The following SIRT3 variants were observed in gnomAD, a reference collection of about 807,000 sequenced individuals.
The protein encoded by SIRT3 is sirtuin 3.
Under a neutral mutation model 33.5 loss-of-function variants are expected in SIRT3, and 26 were observed. The observed-to-expected ratio is 0.78, with a 90% CI of 0.57 to 1.08. The LOEUF (loss-of-function observed/expected upper bound fraction) is 1.08. Among genes scored for constraint, SIRT3 ranks in the 50% least tolerant of loss-of-function variants. SIRT3 has a pLI of 0.00. For missense variants in SIRT3, 585 were observed against 530.1 expected (o/e 1.10, Z -1.02); for synonymous variants, 237 against 222.1 (o/e 1.07, Z -0.60).
At chr11:231,124 C>CAA (rs33939565) in intron 3 of SIRT3, among the ~76,000 whole-genome samples, 20,970 of 138,342 alleles carry the variant, frequency 0.15, 1,699 homozygotes, top group South Asian at 0.33. Flanking sequence ...GATTCTGTCT[C>CAA]AAAAAAAAAA....
chr11:219,076 C>G, intron 5 of SIRT3, 35 bp from the exon 6 acceptor site: 1 of 1,576,890 alleles, frequency 6.3e-7, no homozygotes, highest in African/African-American at 1.4e-5. Flanking sequence ...GGCACAGTGT[C>G]CACTTTACAA....
intron 6 of SIRT3, among the ~76,000 whole-genome samples, chr11:217,463 T>C (rs2133782669): frequency 6.6e-6 from 1 of 152,002 alleles, no homozygotes; most frequent in East Asian, 1.9e-4. Context: ...AAAAAGAAAA[T>C]ATGAAGTTGG....
At chr11:231,488 G>A (rs1858003301) in intron 3 of SIRT3, among the ~76,000 whole-genome samples, 3 of 152,140 alleles carry the variant, frequency 2.0e-5, no homozygotes, top group African/African-American at 7.2e-5. Flanking sequence ...CAGATACCAA[G>A]TTAAAATGAG....
At chr11:231,186 C>A (rs1237745300) in intron 3 of SIRT3, among the ~76,000 whole-genome samples, 1 of 151,892 alleles carries the variant, frequency 6.6e-6, no homozygotes, top group Non-Finnish European at 1.5e-5. Context: ...TGCCTGTAAT[C>A]CCAGTGCTTT....
At chr11:236,462 C>T, upstream of SIRT3, 1 of 513,246 alleles carries the variant, frequency 1.9e-6, no homozygotes, top group Non-Finnish European at 2.5e-6. Flanking sequence ...CGCCCCGGTC[C>T]CGCCTCCGCG....
chr11:236,927 G>A (rs1247691173), upstream of SIRT3: 5 of 811,200 alleles, frequency 6.2e-6, no homozygotes, highest in Admixed American at 2.4e-5. Context: ...CCCCCGGCCT[G>A]CTACGGCGCT....
At position 218,990 on chromosome 11, in the gene SIRT3, G is replaced by T. The variant is rs374879005; in HGVS notation, c.1021C>A (p.Leu341Met). The T allele has an allele frequency of 1.9e-6, 3 of 1,614,066 alleles. No homozygotes were observed. The highest frequency in any genetic ancestry group is 2.7e-5 in the African/African-American group (2 of 74,924). ...CCCACCAAGTCCCGGTTGATGAGCAGTCGGGGAACTGAGCTCCGCACGGCC... is the reference window on the plus strand; with the variant it reads ...CCCACCAAGTCCCGGTTGATGAGCATTCGGGGAACTGAGCTCCGCACGGCC... Reference protein sequence around the residue: ...TEAVRSSVPRLLINRDLVGPL... With the variant: ...TEAVRSSVPRMLINRDLVGPL... Residue 341 changes from leucine (L) to methionine (M), a missense_variant, in exon 6 of 7, where the codon CTG (leucine) becomes ATG (methionine). Physicochemically the swap from Leu to Met is conservative, Grantham distance 15. Coordinates refer to ENST00000382743, the MANE Select transcript of SIRT3 (RefSeq NM_012239.6).
chr11:236,539 G>A (rs1859194916), upstream of SIRT3: 1 of 165,610 alleles, frequency 6.0e-6, no homozygotes, highest in Non-Finnish European at 1.3e-5. Flanking sequence ...AGTAGAGGAA[G>A]TTCCCTAGTC....
upstream of SIRT3, chr11:236,874 G>C (rs867373874): frequency 3.2e-6 from 2 of 621,978 alleles, no homozygotes; most frequent in East Asian, 5.7e-5. Context: ...AGTTTTGTCC[G>C]GAGCGCAGAG....
chr11:233,562 G>A (rs1858418707), intron 1 of SIRT3, 28 bp from the exon 2 acceptor site: 1 of 1,609,720 alleles, frequency 6.2e-7, no homozygotes, highest in South Asian at 1.1e-5. Flanking sequence ...AGCAGCAAAG[G>A]AAACAGATAG....
intron 6 of SIRT3, 131 bp downstream of exon 6, chr11:218,701 G>A: frequency 2.0e-6 from 3 of 1,486,918 alleles, no homozygotes; most frequent in Admixed American, 4.1e-5. Context: ...GGTAGTGCCT[G>A]GTGCAGGATT....
In SIRT3 at chr11:236,170, G is replaced by A; in HGVS notation, c.159C>T (p.Ser53=). ...RDDVSAGLRG[S]HGARGEPLDP... is the part of the protein sequence containing the mutation. The stretch of plus-strand genomic sequence containing the variant: ...CCAAGGGCTCACCGCGGGCCCCATG[G>A]CTGCCTCTCAGCCCCGCACTCACAT... Residue 53 remains serine, a synonymous_variant, in exon 1 of 7, where the codon AGC becomes AGT. Transcript: ENST00000382743. The A allele has an allele frequency of 6.4e-7, 1 of 1,565,402 alleles. No homozygotes were observed.
chr11:229,713 C>G (rs950984022), intron 4 of SIRT3, among the ~76,000 whole-genome samples: 1 of 149,878 alleles, frequency 6.7e-6, no homozygotes, highest in Non-Finnish European at 1.5e-5. Context: ...GAGCCGAAAT[C>G]GCGCCATTGC....
intron 3 of SIRT3, among the ~76,000 whole-genome samples, chr11:231,347 G>A (rs1319847499): frequency 6.6e-6 from 1 of 152,058 alleles, no homozygotes; most frequent in Admixed American, 6.6e-5. Context: ...GAGGCAAAAG[G>A]ATCACTTCGG....
chr11:235,365 CCGG>C (rs751898062), intron 1 of SIRT3, among the ~76,000 whole-genome samples: 2 of 152,028 alleles, frequency 1.3e-5, no homozygotes, highest in Non-Finnish European at 2.9e-5. Flanking sequence ...GCCACCATGC[CCGG>C]CTAATTTTTA....
chr11:221,021 T>A (rs1384492499), intron 5 of SIRT3, among the ~76,000 whole-genome samples: 1 of 140,470 alleles, frequency 7.1e-6, no homozygotes, highest in African/African-American at 2.8e-5. Context: ...CATTTACCCT[T>A]CCAGAGTACT....
chr11:233,003 T>A lies in SIRT3; in HGVS notation c.686A>T (p.Asn229Ile). The A allele has an allele frequency of 6.2e-7, 1 of 1,614,150 alleles. No individual in the cohort carries two copies. Among genetic ancestry groups the A allele is most frequent in the East Asian group, 2.2e-5 (1 of 44,890 alleles). ...CTCACCTCTCTCAAGCCCATCGATG[T>A]TCTGCGTGTAGAGCCGCAGAAGCAG... Reference protein sequence around the residue: ...KGLLLRLYTQNIDGLERVSGI... With the variant: ...KGLLLRLYTQIIDGLERVSGI... Residue 229 changes from asparagine (N) to isoleucine (I), a missense_variant, in exon 3 of 7, where the codon AAC becomes ATC. Transcript: ENST00000382743.
Position 233,073 on chromosome 11 carries a change from G to A in SIRT3, c.616C>T (p.Pro206Ser). The change falls in exon 3 of 7, where the codon CCC becomes TCC. Residue 206 changes from proline (P) to serine (S), a missense_variant. Transcript: ENST00000382743. ...AKELYPGNYK[P>S]NVTHYFLRLL... Reference sequence around the variant, plus strand: ...CGGAGAAAGTAGTGAGTGACGTTGGGCTTGTAGTTTCCAGGGTACAGCTCC... The same window carrying A: ...CGGAGAAAGTAGTGAGTGACGTTGGACTTGTAGTTTCCAGGGTACAGCTCC... 1 of 1,614,194 alleles carries A rather than the reference G, an allele frequency of 6.2e-7. No homozygotes were observed. The highest frequency in any genetic ancestry group is 8.5e-7 in the Non-Finnish European group (1 of 1,180,020).
chr11:216,642 A>C lies in SIRT3; in HGVS notation c.*56T>G. ...TCTTCAGGCATGAGGTCTTGTCAGAATTGGGATGTGGATGTCTCCTATGTT... is the reference window on the plus strand; with the variant it reads ...TCTTCAGGCATGAGGTCTTGTCAGACTTGGGATGTGGATGTCTCCTATGTT... On this transcript the variant is annotated 3_prime_UTR_variant, in exon 7 of 7. Transcript: ENST00000382743. 1 of 1,603,026 alleles carries C rather than the reference A, an allele frequency of 6.2e-7. No homozygotes were observed. The highest frequency in any genetic ancestry group is 1.1e-5 in the South Asian group (1 of 90,688).
Sources: gnomAD v4.1 joint callset for allele counts (sites outside exome capture counted in the v4.1 genomes callset) on GRCh38, gnomAD v4.1.1 for gene constraint, MANE v1.5 for transcripts, NCBI Gene and HGNC (gene_info 2026-07-23, HGNC 2026-07-21) for gene names.